NPAS3: variants seen among roughly 807,000 people sequenced by gnomAD.
NPAS3 encodes neuronal PAS domain-containing protein 3.
In NPAS3, 14 loss-of-function variants were observed where a neutral mutation model predicts 73.1. The ratio of observed to expected loss-of-function variants is 0.19; its 90% CI spans 0.13 to 0.30. The LOEUF is 0.30. NPAS3 is among the 10% of genes least tolerant of loss of function. NPAS3 has a pLI of 1.00. For missense variants in NPAS3, 1,096 were observed against 1,250.0 expected, an observed-to-expected ratio of 0.88 and a Z score of 1.86; for synonymous variants, 620 against 541.5, an observed-to-expected ratio of 1.14 and a Z score of -2.01.
intron 2 of NPAS3, among the ~76,000 whole-genome samples, chr14:33,063,423 G>C (rs1054170306): frequency 6.6e-6 from 1 of 152,094 alleles, no homozygotes; most frequent in Non-Finnish European, 1.5e-5. Flanking sequence ...AGCAAATTAT[G>C]ATCCACTAGC....
chr14:33,491,629 C>T (rs1166960441), intron 4 of NPAS3, among the ~76,000 whole-genome samples: 2 of 152,040 alleles, frequency 1.3e-5, no homozygotes, highest in Non-Finnish European at 2.9e-5. Flanking sequence ...ACTTTTAAAC[C>T]TTTAAATAAG....
chr14:33,326,756 C>G (rs569681370), intron 3 of NPAS3, among the ~76,000 whole-genome samples: 19 of 152,240 alleles, frequency 1.2e-4, no homozygotes, highest in African/African-American at 4.6e-4. Flanking sequence ...CTTGCACCAC[C>G]ACAAGAGTTT....
chr14:33,006,559 A>T (rs1163189457), intron 1 of NPAS3, among the ~76,000 whole-genome samples: 1 of 152,188 alleles, frequency 6.6e-6, no homozygotes, highest in Non-Finnish European at 1.5e-5. Context: ...CAATCTGGTT[A>T]CTAAACACAT....
At chr14:33,209,342 A>G (rs1056041143) in intron 2 of NPAS3, among the ~76,000 whole-genome samples, 2 of 152,134 alleles carry the variant, frequency 1.3e-5, no homozygotes, top group African/African-American at 2.4e-5. Context: ...TTTGAGCTCT[A>G]TGTAATGTCA....
chr14:33,268,647 G>A (rs1469068918), intron 3 of NPAS3, among the ~76,000 whole-genome samples: 2 of 152,050 alleles, frequency 1.3e-5, no homozygotes, highest in African/African-American at 4.8e-5. Flanking sequence ...ATCACTTACT[G>A]AACACTGTGA....
chr14:33,135,797 AT>A (rs2043809549), intron 2 of NPAS3, among the ~76,000 whole-genome samples: 1 of 152,230 alleles, frequency 6.6e-6, no homozygotes, highest in Non-Finnish European at 1.5e-5. Flanking sequence ...TAATTTTAAA[AT>A]GAATGAGCTC....
At chr14:33,603,398 G>C (rs374320566) in intron 5 of NPAS3, among the ~76,000 whole-genome samples, 3 of 152,088 alleles carry the variant, frequency 2.0e-5, no homozygotes, top group African/African-American at 4.8e-5. Flanking sequence ...AAAGGAGATG[G>C]GAGAATGCAA....
chr14:33,690,236 A>G (rs776913502), intron 6 of NPAS3, among the ~76,000 whole-genome samples: 3 of 152,146 alleles, frequency 2.0e-5, no homozygotes, highest in Non-Finnish European at 2.9e-5. Flanking sequence ...CTTTATGTGA[A>G]TCAATTTATT....
chr14:33,236,868 C>T (rs958692796), intron 3 of NPAS3, among the ~76,000 whole-genome samples: 1 of 152,118 alleles, frequency 6.6e-6, no homozygotes, highest in Non-Finnish European at 1.5e-5. Context: ...ACCACAGCGA[C>T]ATTATACTGA....
intron 2 of NPAS3, among the ~76,000 whole-genome samples, chr14:33,133,250 A>T (rs1345911724): frequency 6.6e-6 from 1 of 152,194 alleles, no homozygotes; most frequent in Non-Finnish European, 1.5e-5. Flanking sequence ...AGGCAAGGAT[A>T]TGCACACATA....
intron 5 of NPAS3, among the ~76,000 whole-genome samples, chr14:33,588,438 G>A (rs774887582): frequency 1.2e-4 from 19 of 152,290 alleles, no homozygotes; most frequent in African/African-American, 4.3e-4. Flanking sequence ...CAAAGCTCCC[G>A]TAGACCCAAG....
At chr14:33,274,520 C>T (rs1013435504) in intron 3 of NPAS3, among the ~76,000 whole-genome samples, 18 of 152,206 alleles carry the variant, frequency 1.2e-4, no homozygotes, top group Non-Finnish European at 2.4e-4. Context: ...GGCCGCTACC[C>T]GCTGTTTCCA....
intron 2 of NPAS3, among the ~76,000 whole-genome samples, chr14:33,202,189 G>A (rs150707271): frequency 3.1e-4 from 47 of 152,202 alleles, no homozygotes; most frequent in Non-Finnish European, 6.5e-4. Flanking sequence ...ATCACTTGAG[G>A]TCAGGAGTTT....
chr14:33,744,375 CACA>C (rs1334892933), intron 7 of NPAS3, among the ~76,000 whole-genome samples: 1 of 152,180 alleles, frequency 6.6e-6, no homozygotes, highest in Non-Finnish European at 1.5e-5. Flanking sequence ...TCAGAACACA[CACA>C]ACATTTATCA....
At chr14:33,493,960 GTGTC>G (rs1165705503) in intron 4 of NPAS3, among the ~76,000 whole-genome samples, 4 of 152,086 alleles carry the variant, frequency 2.6e-5, no homozygotes, top group Non-Finnish European at 5.9e-5. Context: ...AGCAGCAACT[GTGTC>G]TGAGCAGTAA....
chr14:32,938,137 C>A (rs542667960), upstream of NPAS3, among the ~76,000 whole-genome samples: 1 of 152,116 alleles, frequency 6.6e-6, no homozygotes, highest in Admixed American at 6.5e-5. Context: ...ACGTCCGTGA[C>A]TGATGCAGAT....
intron 4 of NPAS3, among the ~76,000 whole-genome samples, chr14:33,544,922 GTTC>G (rs965481961): frequency 1.4e-5 from 2 of 146,442 alleles, no homozygotes; most frequent in Non-Finnish European, 1.5e-5. Context: ...TCCTAGAATA[GTTC>G]TTATTTTAAA....
At chr14:33,017,009 A>G (rs1052736912) in intron 1 of NPAS3, among the ~76,000 whole-genome samples, 4 of 152,212 alleles carry the variant, frequency 2.6e-5, no homozygotes, top group Non-Finnish European at 4.4e-5. Context: ...CACAAGCATA[A>G]CTAAAAGAAC....
intron 2 of NPAS3, among the ~76,000 whole-genome samples, chr14:33,172,186 C>T (rs1209592386): frequency 1.3e-5 from 2 of 152,154 alleles, no homozygotes; most frequent in Non-Finnish European, 2.9e-5. Context: ...GACACAAAGA[C>T]ATGAGTGAGC....
Sources: gnomAD v4.1 joint callset for allele counts (sites outside exome capture counted in the v4.1 genomes callset) on GRCh38, gnomAD v4.1.1 for gene constraint, MANE v1.5 for transcripts, NCBI Gene and HGNC (gene_info 2026-07-23, HGNC 2026-07-21) for gene names.